Variants in ANKS1A observed in about 807,000 individuals in gnomAD.
ANKS1A encodes ankyrin repeat and SAM domain-containing protein 1A.
In ANKS1A, 55 loss-of-function variants were observed where a neutral mutation model predicts 120.3. That is an observed-to-expected ratio of 0.46 (90% CI 0.37 to 0.57). The LOEUF is 0.57. Among genes scored for constraint, ANKS1A ranks in the 20% least tolerant of loss-of-function variants. The pLI, the probability that ANKS1A is intolerant of heterozygous loss-of-function variation, is 0.00. For missense variants in ANKS1A, 1,123 were observed against 1,480.3 expected, an observed-to-expected ratio of 0.76 and a Z score of 3.96; for synonymous variants, 590 against 604.7, an observed-to-expected ratio of 0.98 and a Z score of 0.36.
intron 10 of ANKS1A, among the ~76,000 whole-genome samples, chr6:35,000,627 AT>A (rs1466198255): frequency 1.3e-5 from 2 of 152,160 alleles, no homozygotes; most frequent in African/African-American, 4.8e-5. Context: ...ATGTTGAAGA[AT>A]TATCTGTGAA....
Position 35,084,128 on chromosome 6 carries a change from T to C in ANKS1A, c.3002T>C (p.Ile1001Thr). The change falls in exon 21 of 24, where the codon ATT becomes ACT. Residue 1001 changes from isoleucine (I) to threonine (T), a missense_variant. Coordinates refer to ENST00000360359, the MANE Select transcript of ANKS1A (RefSeq NM_015245.3). This position sits in a 1 kb window ranked among gnomAD's most constrained non-coding sequence, Gnocchi z 4.8. Reference sequence around the variant, plus strand: ...CACGGCTTTCCCCAGCAGAACGTCATTGCAGAGCACGAGATCCGGAACATT... The same window carrying C: ...CACGGCTTTCCCCAGCAGAACGTCACTGCAGAGCACGAGATCCGGAACATT... ...KFIDASNKNV[I>T]AEHEIRNISC... 1 of 1,614,168 alleles carries C rather than the reference T, an allele frequency of 6.2e-7. No homozygotes were observed. The highest frequency in any genetic ancestry group is 1.1e-5 in the South Asian group (1 of 91,078).
At chr6:34,961,701 T>G (rs906279639) in intron 1 of ANKS1A, among the ~76,000 whole-genome samples, 4 of 152,182 alleles carry the variant, frequency 2.6e-5, no homozygotes, top group Admixed American at 6.5e-5. Flanking sequence ...CTTGGGGACA[T>G]GAACTGAGAG....
intron 11 of ANKS1A, among the ~76,000 whole-genome samples, chr6:35,034,711 T>C (rs1325972202): frequency 6.6e-6 from 1 of 152,244 alleles, no homozygotes; most frequent in Non-Finnish European, 1.5e-5. Flanking sequence ...GTGTCTACAT[T>C]TCTTCACTGT....
chr6:35,083,078 A>G (rs1275201565), intron 18 of ANKS1A, 77 bp from the exon 19 acceptor site: 4 of 1,559,242 alleles, frequency 2.6e-6, no homozygotes, highest in Non-Finnish European at 3.5e-6. Flanking sequence ...TGATTGTGGG[A>G]CAGTCCCAAA....
In ANKS1A at chr6:35,082,294, T is replaced by G. The variant is rs1777726681; in HGVS notation, c.2710-397T>G. On this transcript the variant is annotated intron_variant, in intron 17 of 23. Transcript: ENST00000360359. The surrounding 1 kb of genome is among the most constrained non-coding windows in gnomAD (Gnocchi z 4.1). ...TGAAGATCCCTCCCAGGCCCTGGGC[T>G]GGGTCCCAAGGCGTCCCAGGGTCTC... Among the ~76,000 whole-genome samples the G allele has an allele frequency of 6.6e-6, 1 of 151,932 alleles. No homozygotes were observed. Among genetic ancestry groups the G allele is most frequent in the African/African-American group, 2.4e-5 (1 of 41,390 alleles).
chr6:34,989,106 T>C (rs1772375594), intron 8 of ANKS1A, 118 bp from the exon 9 acceptor site: 2 of 801,562 alleles, frequency 2.5e-6, no homozygotes, highest in South Asian at 3.6e-5. Context: ...GACTTTAGTC[T>C]CTCAGGGGAG....
intron 11 of ANKS1A, among the ~76,000 whole-genome samples, chr6:35,026,897 G>T (rs1457366130): frequency 1.3e-5 from 2 of 151,866 alleles, no homozygotes; most frequent in Admixed American, 1.3e-4. Context: ...TTTTAAACAT[G>T]CACATACCCA....
At chr6:35,012,028 T>TGA (rs2127553926) in intron 10 of ANKS1A, among the ~76,000 whole-genome samples, 1 of 152,314 alleles carries the variant, frequency 6.6e-6, no homozygotes, top group African/African-American at 2.4e-5. Flanking sequence ...CCTGTACTTT[T>TGA]AACCATGAGG....
Position 35,089,009 on chromosome 6 carries a change from C to G in ANKS1A, c.*400C>G. ...AGGGGAGCTGAGGTTGGTTCAGAGGCCAGCCTGCATAGCCTCTGTCCTCAG... is the reference window on the plus strand; with the variant it reads ...AGGGGAGCTGAGGTTGGTTCAGAGGGCAGCCTGCATAGCCTCTGTCCTCAG... On this transcript the variant is annotated 3_prime_UTR_variant, in exon 24 of 24. Transcript: ENST00000360359. The G allele has an allele frequency of 5.2e-6, 6 of 1,153,600 alleles. No homozygotes were observed. Among genetic ancestry groups the G allele is most frequent in the Non-Finnish European group, 6.5e-6 (6 of 928,120 alleles). The allele number at this position is 1,153,600 out of a possible 1,614,324, so 71.5% of individuals were successfully genotyped here.
At chr6:35,026,103 A>G (rs1774612892) in intron 11 of ANKS1A, among the ~76,000 whole-genome samples, 1 of 152,342 alleles carries the variant, frequency 6.6e-6, no homozygotes, top group East Asian at 1.9e-4. Context: ...AGTCCATACA[A>G]ATGCTGAGAA....
intron 1 of ANKS1A, among the ~76,000 whole-genome samples, chr6:34,935,632 T>G (rs1306962567): frequency 6.6e-6 from 1 of 152,232 alleles, no homozygotes; most frequent in Middle Eastern, 3.2e-3. Context: ...AATTAATGTA[T>G]TGCTAAAGGC....
intron 11 of ANKS1A, among the ~76,000 whole-genome samples, chr6:35,042,925 G>A (rs1337586417): frequency 2.0e-5 from 3 of 152,210 alleles, no homozygotes; most frequent in Non-Finnish European, 4.4e-5. Flanking sequence ...AATTGTCTGT[G>A]ATGGGGTTGT....
Position 35,081,093 on chromosome 6 carries a change from A to G in ANKS1A, c.2644A>G (p.Arg882Gly). Residue 882 changes from arginine (R) to glycine (G), a missense_variant, in exon 17 of 24, where the codon AGG (arginine) becomes GGG (glycine). Around this residue, in one of 3 missense-constraint regions of ANKS1A, gnomAD observed 904 missense variants for 1,130.4 expected, o/e 0.80. Coordinates refer to ENST00000360359, the MANE Select transcript of ANKS1A (RefSeq NM_015245.3). Reference protein sequence around the residue: ...DLLLPPGDTGRRRHDSLHDPA... With the variant: ...DLLLPPGDTGGRRHDSLHDPA... Reference sequence around the variant, plus strand: ...GCTGCTGCCTCCAGGGGACACAGGCAGGAGGCGCCATGACAGTCTCCATGA... The same window carrying G: ...GCTGCTGCCTCCAGGGGACACAGGCGGGAGGCGCCATGACAGTCTCCATGA... 6.2e-7 allele frequency: 1 copy of G among 1,613,858 alleles called. No individual in the cohort carries two copies. Among genetic ancestry groups the G allele is most frequent in the Non-Finnish European group, 8.5e-7 (1 of 1,179,972 alleles).
Position 34,889,549 on chromosome 6 carries a change from C to T in ANKS1A, c.147C>T (p.Gly49=). Residue 49 remains glycine (G), a synonymous_variant, in exon 1 of 24, where the codon GGC becomes GGT. Coordinates refer to ENST00000360359, the MANE Select transcript of ANKS1A (RefSeq NM_015245.3). This position sits in a 1 kb window ranked among gnomAD's most constrained non-coding sequence, Gnocchi z 5.5. ...GGGGCGGCGGCGGCGGCAGCGGCGG[C>T]GGCGGCGGCGGCCTCGGCTCTTCCA... is the stretch of plus-strand genomic sequence containing the variant. ...GSGGGGGGSG[G]GGGGLGSSSH... The T allele has an allele frequency of 1.6e-6, 2 of 1,268,428 alleles. No homozygotes were observed. Among genetic ancestry groups the T allele is most frequent in the Non-Finnish European group, 9.8e-7 (1 of 1,016,850 alleles). The allele number at this position is 1,268,428 out of a possible 1,614,324, so 78.6% of individuals were successfully genotyped here.
intron 1 of ANKS1A, among the ~76,000 whole-genome samples, chr6:34,921,519 G>A (rs1469995190): frequency 6.6e-6 from 1 of 152,146 alleles, no homozygotes; most frequent in Non-Finnish European, 1.5e-5. Flanking sequence ...TGCATATTTA[G>A]AAAACAATAA....
chr6:34,991,049 G>A (rs1417654936), intron 9 of ANKS1A, among the ~76,000 whole-genome samples: 1 of 152,060 alleles, frequency 6.6e-6, no homozygotes, highest in Non-Finnish European at 1.5e-5. Context: ...TACTGTTAAA[G>A]CTTTAATACC....
downstream of ANKS1A, among the ~76,000 whole-genome samples, chr6:35,095,633 ACAGT>A (rs1487022140): frequency 6.7e-6 from 1 of 149,274 alleles, no homozygotes; most frequent in African/African-American, 2.5e-5. Context: ...AACAAAAAAA[ACAGT>A]CACTTTTGTG....
intron 2 of ANKS1A, among the ~76,000 whole-genome samples, chr6:34,969,470 G>T (rs1430609262): frequency 6.6e-6 from 1 of 152,156 alleles, no homozygotes; most frequent in Non-Finnish European, 1.5e-5. Context: ...GGCCAGGCTG[G>T]TCTTGAACTC....
At chr6:35,079,201 C>T (rs1777526578) in intron 14 of ANKS1A, among the ~76,000 whole-genome samples, 1 of 152,302 alleles carries the variant, frequency 6.6e-6, no homozygotes, top group East Asian at 1.9e-4. Context: ...TTCTCTTGTC[C>T]CTCCAGGCCC....
Sources: gnomAD v4.1 joint callset for allele counts (sites outside exome capture counted in the v4.1 genomes callset) on GRCh38, gnomAD v4.1.1 for gene constraint, gnomAD v4.1.1 regional missense constraint, Gnocchi (gnomAD v3.1) non-coding constraint, MANE v1.5 for transcripts, NCBI Gene and HGNC (gene_info 2026-07-23, HGNC 2026-07-21) for gene names.